FGD5: variants seen among roughly 807,000 people sequenced by gnomAD.
The protein encoded by FGD5 is FYVE, RhoGEF and PH domain-containing protein 5.
Under a neutral mutation model 133.4 loss-of-function variants are expected in FGD5, and 28 were observed. That is an observed-to-expected ratio of 0.21 (90% CI 0.16 to 0.29). FGD5 has a LOEUF of 0.29. Among genes scored for constraint, FGD5 ranks in the 10% least tolerant of loss-of-function variants. The pLI is 1.00. For synonymous variants in FGD5, 810 were observed against 776.5 expected, an observed-to-expected ratio of 1.04 and a Z score of -0.72; for missense variants, 1,858 against 1,895.2, an observed-to-expected ratio of 0.98 and a Z score of 0.36.
intron 4 of FGD5, among the ~76,000 whole-genome samples, chr3:14,883,113 G>A (rs1191281937): frequency 2.0e-5 from 3 of 152,244 alleles, no homozygotes; most frequent in Non-Finnish European, 4.4e-5. Flanking sequence ...TCACATGGTA[G>A]TTATAGCTAA....
Position 14,885,328 on chromosome 3 carries a change from G to A in FGD5, c.2748+4556G>A, listed in dbSNP as rs376335060. Among the ~76,000 whole-genome samples the A allele has an allele frequency of 1.9e-4, 29 of 151,922 alleles. No homozygotes were observed. In the East Asian group the frequency reaches 2.0e-3, roughly 10 times the overall value. On this transcript the variant is annotated intron_variant, in intron 4 of 19. Coordinates refer to ENST00000285046, the MANE Select transcript of FGD5 (RefSeq NM_152536.4). ...AGGTGGAAGAAGGGGTCAGCTGTTC[G>A]GTCCAGAGTAGGCTTGCAAGACTGC...
intron 8 of FGD5, 78 bp downstream of exon 8, chr3:14,900,531 A>C: frequency 6.6e-7 from 1 of 1,523,356 alleles, no homozygotes; most frequent in Non-Finnish European, 9.0e-7. Context: ...CCCTGCCCCA[A>C]TTCCAAGGCC....
Position 14,820,824 on chromosome 3 carries a change from C to G in FGD5, c.1753C>G (p.Leu585Val). 6.2e-7 allele frequency: 1 copy of G among 1,613,894 alleles called. No homozygotes were observed. The highest frequency in any genetic ancestry group is 8.5e-7 in the Non-Finnish European group (1 of 1,179,876). Residue 585 changes from leucine to valine, a missense_variant, in exon 1 of 20, where the codon CTG becomes GTG. By Grantham distance (32) the Leu-to-Val change is conservative. Around this residue, in one of 3 missense-constraint regions of FGD5, gnomAD observed 1,824 missense variants for 1,848.9 expected, o/e 0.99. Coordinates refer to ENST00000285046, the MANE Select transcript of FGD5 (RefSeq NM_152536.4). ...AAAGAGGAAAGAGGACAATCTCTCT[C>G]TGTCGTGTGTAATTGGCTCCTCTGG... The part of the protein sequence containing the change: ...RIKRKEDNLS[L>V]SCVIGSSGSF...
At chr3:14,817,995 G>A (rs535777606), upstream of FGD5, among the ~76,000 whole-genome samples, 32 of 152,242 alleles carry the variant, frequency 2.1e-4, no homozygotes, top group African/African-American at 6.5e-4. Context: ...TCATTTGACC[G>A]TTCCCCTTCT....
In FGD5 at chr3:14,832,105, G is replaced by T. The variant is rs149886853; in HGVS notation, c.2525+10509G>T. On this transcript the variant is annotated intron_variant, in intron 1 of 19. Transcript: ENST00000285046. The stretch of plus-strand genomic sequence containing the variant: ...ACCCCGCCCTCTGATCTGAGCCCCG[G>T]TTTTCTCACCTGTACAAGTGGTGGC... Among the ~76,000 whole-genome samples, 27 of 152,298 alleles carry T rather than the reference G, an allele frequency of 1.8e-4. 1 individual carries two copies. In the East Asian group the frequency reaches 5.2e-3, roughly 29 times the overall value.
chr3:14,882,195 CA>C, intron 4 of FGD5: 15 of 631,306 alleles, frequency 2.4e-5, no homozygotes, highest in Non-Finnish European at 3.0e-5. Flanking sequence ...ATCAGTTTCC[CA>C]TTTTTTTTTT....
chr3:14,926,035 G>A (rs752356039), intron 17 of FGD5, 35 bp from the exon 18 acceptor site: 46 of 1,610,902 alleles, frequency 2.9e-5, no homozygotes, highest in South Asian at 7.7e-5. Flanking sequence ...CCTGACCACC[G>A]GGGTGGGCTG....
intron 1 of FGD5, among the ~76,000 whole-genome samples, chr3:14,821,990 C>T (rs2036513737): frequency 6.6e-6 from 1 of 152,002 alleles, no homozygotes; most frequent in Admixed American, 6.6e-5. Flanking sequence ...ATCCCAGCTG[C>T]TCGGGAGGCT....
intron 1 of FGD5, among the ~76,000 whole-genome samples, chr3:14,862,292 C>G (rs2037414839): frequency 6.6e-6 from 1 of 152,182 alleles, no homozygotes; most frequent in Admixed American, 6.5e-5. Flanking sequence ...GGGCAGGACT[C>G]CACTCCAAGT....
chr3:14,835,129 A>T (rs2036790842), intron 1 of FGD5, among the ~76,000 whole-genome samples: 1 of 152,288 alleles, frequency 6.6e-6, no homozygotes, highest in South Asian at 2.1e-4. Flanking sequence ...CCGCCTTAGG[A>T]AATGGCGAGC....
chr3:14,879,171 G>T (rs1467810984), intron 2 of FGD5, among the ~76,000 whole-genome samples: 1 of 152,238 alleles, frequency 6.6e-6, no homozygotes, highest in Non-Finnish European at 1.5e-5. Context: ...CACATATGAG[G>T]AAACTGAGGC....
intron 4 of FGD5, among the ~76,000 whole-genome samples, chr3:14,893,978 A>C (rs996557865): frequency 1.3e-5 from 2 of 150,790 alleles, no homozygotes; most frequent in African/African-American, 4.9e-5. Flanking sequence ...GGTTGGTCTC[A>C]AACTCCTGAC....
At chr3:14,839,127 C>G (rs2125083620) in intron 1 of FGD5, among the ~76,000 whole-genome samples, 1 of 152,342 alleles carries the variant, frequency 6.6e-6, no homozygotes, top group Non-Finnish European at 1.5e-5. Flanking sequence ...CTTCCAGCAC[C>G]TCCTGTCTGT....
intron 2 of FGD5, among the ~76,000 whole-genome samples, chr3:14,865,574 C>G (rs1188210124): frequency 6.6e-6 from 1 of 152,140 alleles, no homozygotes; most frequent in African/African-American, 2.4e-5. Flanking sequence ...TCCCCGCTGC[C>G]TCTTCCTCTC....
At position 14,864,139 on chromosome 3, in the gene FGD5, A is replaced by G. The variant is rs775267863; in HGVS notation, c.2537A>G (p.Glu846Gly). The change falls in exon 2 of 20, where the codon GAG (glutamate) becomes GGG (glycine). Residue 846 changes from glutamate (E) to glycine (G), a missense_variant. Physicochemically the swap from Glu to Gly is moderately conservative, Grantham distance 98. Coordinates refer to ENST00000285046, the MANE Select transcript of FGD5 (RefSeq NM_152536.4). ...CTGCTTTGACCCAGCGCCTACACAG[A>G]GCCCTACAAAGTCTGTCCCATCTCG... The part of the protein sequence containing the change: ...ADQDAESAYT[E>G]PYKVCPISSA... The G allele has an allele frequency of 5.6e-6, 9 of 1,613,584 alleles. No homozygotes were observed. The highest frequency in any genetic ancestry group is 6.8e-6 in the Non-Finnish European group (8 of 1,179,684).
rs1480966787 is a variant in FGD5, at chr3:14,909,455, A to G, written c.3337-1406A>G. Among the ~76,000 whole-genome samples, 5 of 152,232 alleles carry G rather than the reference A, an allele frequency of 3.3e-5. No individual in the cohort carries two copies. The East Asian group carries it at 9.6e-4, about 29-fold the overall frequency. On this transcript the variant is annotated intron_variant, in intron 10 of 19. Coordinates refer to ENST00000285046, the MANE Select transcript of FGD5 (RefSeq NM_152536.4). The stretch of plus-strand genomic sequence containing the variant: ...CATAAAAAAGAAGGTCAAACAGGGA[A>G]ATGTATCAGTGTATGTCACTATGGT...
chr3:14,876,493 TGTTAATAC>T (rs1490654108), intron 2 of FGD5, among the ~76,000 whole-genome samples: 3 of 152,108 alleles, frequency 2.0e-5, no homozygotes, highest in African/African-American at 7.2e-5. Context: ...ACCCATTACA[TGTTAATAC>T]AAGTAGCACT....
Position 14,837,763 on chromosome 3 carries a change from A to G in FGD5, c.2525+16167A>G, listed in dbSNP as rs574478982. ...TCTCTAAGCGTGGAACTGGCCCAGA[A>G]AAGGCTCTTTGCTCTCTGCCTCTTG... is the stretch of plus-strand genomic sequence containing the variant. On this transcript the variant is annotated intron_variant, in intron 1 of 19. Coordinates refer to ENST00000285046, the MANE Select transcript of FGD5 (RefSeq NM_152536.4). 4.6e-5 allele frequency among the ~76,000 whole-genome samples: 7 copies of G among 152,306 alleles called. No homozygotes were observed. The East Asian group carries it at 1.2e-3, about 25-fold the overall frequency.
At chr3:14,864,637 A>G (rs1336505636) in intron 2 of FGD5, among the ~76,000 whole-genome samples, 3 of 152,146 alleles carry the variant, frequency 2.0e-5, no homozygotes, top group Non-Finnish European at 4.4e-5. Flanking sequence ...TGAGGGTGAG[A>G]TGTGTTAAAG....
Sources: allele counts gnomAD v4.1 joint callset (sites outside exome capture counted in the v4.1 genomes callset), GRCh38; gene constraint gnomAD v4.1.1; regional missense constraint gnomAD v4.1.1; transcripts MANE v1.5; gene names NCBI Gene and HGNC (gene_info 2026-07-23, HGNC 2026-07-21).